Variants in ADRB1 observed in about 807,000 individuals in gnomAD.
ADRB1 encodes the protein beta-1 adrenergic receptor.
For synonymous variants in ADRB1, 365 were observed against 347.2 expected, an observed-to-expected ratio of 1.05 and a Z score of -0.57; for missense variants, 635 against 709.1, an observed-to-expected ratio of 0.90 and a Z score of 1.19.
At position 114,044,762 on chromosome 10, in the gene ADRB1, C is replaced by A; in HGVS notation, c.630C>A (p.Tyr210Ter). The A allele has an allele frequency of 6.2e-7, 1 of 1,613,176 alleles. No homozygotes were observed. Among genetic ancestry groups the A allele is most frequent in the Non-Finnish European group, 8.5e-7 (1 of 1,179,904 alleles). ...RAESDEARRC[Y>*]NDPKCCDFVT... ...AGAGCGACGAGGCGCGCCGCTGCTA[C>A]AACGACCCCAAGTGCTGCGACTTCG... The change falls in exon 1 of 1, where the codon TAC (tyrosine) becomes TAA (stop). Residue 210 changes from tyrosine to a stop codon, truncating the protein, a stop_gained. Coordinates refer to ENST00000369295, the MANE Select transcript of ADRB1 (RefSeq NM_000684.3). LOFTEE classifies it low-confidence loss of function (END_TRUNC). The surrounding 1 kb of genome is among the most constrained non-coding windows in gnomAD (Gnocchi z 7.8).
Position 114,045,699 on chromosome 10 carries a change from G to A in ADRB1, c.*133G>A. The A allele has an allele frequency of 2.2e-6, 2 of 920,658 alleles. No homozygotes were observed. Among genetic ancestry groups the A allele is most frequent in the South Asian group, 5.7e-5 (1 of 17,496 alleles). The allele number at this position is 920,658 out of a possible 1,614,324, so 57.0% of individuals were successfully genotyped here. A position where few individuals can be genotyped will look rare whatever the true frequency, so the allele number is the denominator to read the frequency against. The stretch of plus-strand genomic sequence containing the variant: ...TGAATCATCCGAGGCAAAGAGAAAA[G>A]CCACGGACCGTTGCACAAAAAGGAA... On this transcript the variant is annotated 3_prime_UTR_variant, in exon 1 of 1. Transcript: ENST00000369295.
rs929679913 is a variant in ADRB1, at chr10:114,045,571, C to CGGCGCGG, written c.*13_*19dup. The CGGCGCGG allele has an allele frequency of 3.9e-6, 5 of 1,283,528 alleles. No homozygotes were observed. The Admixed American group carries it at 2.1e-4, about 54-fold the overall frequency. 79.5% of individuals were successfully genotyped at this position (1,283,528 alleles called of 1,614,324 possible). A position where few individuals can be genotyped will look rare whatever the true frequency, so the allele number is the denominator to read the frequency against. ...GCCTCGGAATCCAAGGTGTAGGGCCCGGCGCGGGGCGCGGACTCCGGGCAC... is the reference window on the plus strand; with the variant it reads ...GCCTCGGAATCCAAGGTGTAGGGCCCGGCGCGGGGCGCGGGGCGCGGACTCCGGGCAC... On this transcript the variant is annotated 3_prime_UTR_variant, in exon 1 of 1. Transcript: ENST00000369295.
rs760403482 is a variant in ADRB1, at chr10:114,044,673, A to G, written c.541A>G (p.Thr181Ala). The G allele has an allele frequency of 2.0e-5, 33 of 1,612,394 alleles. No homozygotes were observed. Among genetic ancestry groups the G allele is most frequent in the Non-Finnish European group, 2.6e-5 (31 of 1,179,818 alleles). ...TRARARGLVCTVWAISALVSF... is the reference protein window; with the variant it reads ...TRARARGLVCAVWAISALVSF... ...CGCGCGGGCGCGGGGCCTCGTGTGCACCGTGTGGGCCATCTCGGCCCTGGT... is the reference window on the plus strand; with the variant it reads ...CGCGCGGGCGCGGGGCCTCGTGTGCGCCGTGTGGGCCATCTCGGCCCTGGT... Residue 181 changes from threonine (T) to alanine (A), a missense_variant, in exon 1 of 1, where the codon ACC (threonine) becomes GCC (alanine). Physicochemically the swap from Thr to Ala is moderately conservative, Grantham distance 58 (BLOSUM62 0). Transcript: ENST00000369295. The surrounding 1 kb of genome is among the most constrained non-coding windows in gnomAD (Gnocchi z 7.8).
At position 114,045,004 on chromosome 10, in the gene ADRB1, GCC is replaced by G; in HGVS notation, c.875_876del (p.Pro292ArgfsTer16). On this transcript the variant is annotated frameshift_variant, in exon 1 of 1. Coordinates refer to ENST00000369295, the MANE Select transcript of ADRB1 (RefSeq NM_000684.3). LOFTEE classifies it low-confidence loss of function (END_TRUNC). ...CCCGCGCCGCCGCCCGGACCCCCGCGCCCCGCCGCCGCCGCCGCCACCGCCCC... is the reference window on the plus strand; with the variant it reads ...CCCGCGCCGCCGCCCGGACCCCCGCGCCGCCGCCGCCGCCGCCACCGCCCC... 1.8e-6 allele frequency: 2 copies of G among 1,081,326 alleles called. No individual in the cohort carries two copies. The highest frequency in any genetic ancestry group is 2.2e-6 in the Non-Finnish European group (2 of 892,670). 67.0% of individuals were successfully genotyped at this position (1,081,326 alleles called of 1,614,324 possible). A position where few individuals can be genotyped will look rare whatever the true frequency, so the allele number is the denominator to read the frequency against.
Position 114,045,228 on chromosome 10 carries a change from G to C in ADRB1, c.1096G>C (p.Gly366Arg). Residue 366 changes from glycine (G) to arginine (R), a missense_variant, in exon 1 of 1, where the codon GGC (glycine) becomes CGC (arginine). By Grantham distance (125) the Gly-to-Arg change is moderately radical. Transcript: ENST00000369295. ...CCTCTTCGTCTTCTTCAACTGGCTG[G>C]GCTACGCCAACTCGGCCTTCAACCC... ...DRLFVFFNWL[G>R]YANSAFNPII... 1.3e-6 allele frequency: 2 copies of C among 1,598,450 alleles called. No individual in the cohort carries two copies. Among genetic ancestry groups the C allele is most frequent in the Non-Finnish European group, 1.7e-6 (2 of 1,172,216 alleles).
Position 114,045,517 on chromosome 10 carries a change from G to A in ADRB1, c.1385G>A (p.Ser462Asn). The A allele has an allele frequency of 7.7e-7, 1 of 1,304,832 alleles. No individual in the cohort carries two copies. The highest frequency in any genetic ancestry group is 9.8e-7 in the Non-Finnish European group (1 of 1,024,320). 80.8% of individuals were successfully genotyped at this position (1,304,832 alleles called of 1,614,324 possible). A position where few individuals can be genotyped will look rare whatever the true frequency, so the allele number is the denominator to read the frequency against. Reference protein sequence around the residue: ...NGGAAADSDSSLDEPCRPGFA... With the variant: ...NGGAAADSDSNLDEPCRPGFA... ...GGGGCGGCGGCGGACAGCGACTCGAGCCTGGACGAGCCGTGCCGCCCCGGC... is the reference window on the plus strand; with the variant it reads ...GGGGCGGCGGCGGACAGCGACTCGAACCTGGACGAGCCGTGCCGCCCCGGC... The change falls in exon 1 of 1, where the codon AGC becomes AAC. Residue 462 changes from serine (S) to asparagine (N), a missense_variant. Ser to Asn is a conservative substitution (Grantham distance 46). Transcript: ENST00000369295.
At position 114,043,940 on chromosome 10, in the gene ADRB1, G is replaced by A; in HGVS notation, c.-193G>A. Reference sequence around the variant, plus strand: ...AGCAGCAGCGGCGGCGGCGGCGGCGGCGGCAGCGGCAGCGACAGCGCTCGG... The same window carrying A: ...AGCAGCAGCGGCGGCGGCGGCGGCGACGGCAGCGGCAGCGACAGCGCTCGG... On this transcript the variant is annotated 5_prime_UTR_variant, in exon 1 of 1. Transcript: ENST00000369295. 1 of 279,974 alleles carries A rather than the reference G, an allele frequency of 3.6e-6. No individual in the cohort carries two copies. Among genetic ancestry groups the A allele is most frequent in the Non-Finnish European group, 6.0e-6 (1 of 166,088 alleles). The allele number at this position is 279,974 out of a possible 1,614,324, so 17.3% of individuals were successfully genotyped here.
In ADRB1 at chr10:114,044,928, C is replaced by T; in HGVS notation, c.796C>T (p.Leu266Phe). The T allele has an allele frequency of 6.4e-7, 1 of 1,569,504 alleles. No homozygotes were observed. Among genetic ancestry groups the T allele is most frequent in the Non-Finnish European group, 8.6e-7 (1 of 1,157,036 alleles). The change falls in exon 1 of 1, where the codon CTC (leucine) becomes TTC (phenylalanine). Residue 266 changes from leucine to phenylalanine, a missense_variant. Coordinates refer to ENST00000369295, the MANE Select transcript of ADRB1 (RefSeq NM_000684.3). The surrounding 1 kb of genome is among the most constrained non-coding windows in gnomAD (Gnocchi z 7.8). Reference sequence around the variant, plus strand: ...GATCGACAGCTGCGAGCGCCGTTTCCTCGGCGGCCCAGCGCGGCCGCCCTC... The same window carrying T: ...GATCGACAGCTGCGAGCGCCGTTTCTTCGGCGGCCCAGCGCGGCCGCCCTC... ...KKIDSCERRF[L>F]GGPARPPSPS...
In ADRB1 at chr10:114,046,073, C is replaced by A. The variant is rs1847562123; in HGVS notation, c.*507C>A. On this transcript the variant is annotated 3_prime_UTR_variant, in exon 1 of 1. Transcript: ENST00000369295. The stretch of plus-strand genomic sequence containing the variant: ...GTCAAGACATATTTCCTTTTGCTTT[C>A]CAGAGAAATTTCATTTTAATTTCTA... The A allele has an allele frequency of 6.0e-6, 1 of 166,906 alleles. No homozygotes were observed. 10.3% of individuals were successfully genotyped at this position (166,906 alleles called of 1,614,324 possible).
In ADRB1 at chr10:114,046,156, A is replaced by C. The variant is rs545055575; in HGVS notation, c.*590A>C. 1.2e-5 allele frequency: 2 copies of C among 167,224 alleles called. No individual in the cohort carries two copies. Among genetic ancestry groups the C allele is most frequent in the East Asian group, 3.8e-4 (2 of 5,196 alleles). 10.4% of individuals were successfully genotyped at this position (167,224 alleles called of 1,614,324 possible). ...GAAAGGATGGAGGCAAAATAAAAAA[A>C]AATCACGTTTCAAGAAATGTTAAGC... On this transcript the variant is annotated 3_prime_UTR_variant, in exon 1 of 1. Coordinates refer to ENST00000369295, the MANE Select transcript of ADRB1 (RefSeq NM_000684.3).
At position 114,044,362 on chromosome 10, in the gene ADRB1, T is replaced by A; in HGVS notation, c.230T>A (p.Val77Glu). The change falls in exon 1 of 1, where the codon GTG (valine) becomes GAG (glutamate). Residue 77 changes from valine to glutamate, a missense_variant. Coordinates refer to ENST00000369295, the MANE Select transcript of ADRB1 (RefSeq NM_000684.3). This position sits in a 1 kb window ranked among gnomAD's most constrained non-coding sequence, Gnocchi z 7.8. ...LIVLLIVAGN[V>E]LVIVAIAKTP... Reference sequence around the variant, plus strand: ...GTGCTGCTCATCGTGGCGGGCAATGTGCTGGTGATCGTGGCCATCGCCAAG... The same window carrying A: ...GTGCTGCTCATCGTGGCGGGCAATGAGCTGGTGATCGTGGCCATCGCCAAG... 6.2e-7 allele frequency: 1 copy of A among 1,608,276 alleles called. No homozygotes were observed. Among genetic ancestry groups the A allele is most frequent in the East Asian group, 2.2e-5 (1 of 44,822 alleles).
chr10:114,045,478 C>G lies in ADRB1; in HGVS notation c.1346C>G (p.Ala449Gly). 7.8e-7 allele frequency: 1 copy of G among 1,284,036 alleles called. No individual in the cohort carries two copies. Among genetic ancestry groups the G allele is most frequent in the Non-Finnish European group, 9.9e-7 (1 of 1,013,998 alleles). The allele number at this position is 1,284,036 out of a possible 1,614,324, so 79.5% of individuals were successfully genotyped here. A position where few individuals can be genotyped will look rare whatever the true frequency, so the allele number is the denominator to read the frequency against. Residue 449 changes from alanine (A) to glycine (G), a missense_variant, in exon 1 of 1, where the codon GCC becomes GGC. Ala to Gly is a moderately conservative substitution (Grantham distance 60). Transcript: ENST00000369295. The part of the protein sequence containing the change: ...TPPARLLEPW[A>G]GCNGGAAADS... ...CCCGCGCGCCTGCTGGAGCCCTGGG[C>G]CGGCTGCAACGGCGGGGCGGCGGCG...
chr10:114,045,763 C>CTTG lies in ADRB1; in HGVS notation c.*203_*205dup, dbSNP rs967770830. On this transcript the variant is annotated 3_prime_UTR_variant, in exon 1 of 1. Coordinates refer to ENST00000369295, the MANE Select transcript of ADRB1 (RefSeq NM_000684.3). ...ATGGGAGAGTGGCTTGCTGATGTTC[C>CTTG]TTGTTGTTTTTTTTTTCTTTTCTTT... The CTTG allele has an allele frequency of 7.9e-6, 3 of 382,064 alleles. No homozygotes were observed. Among genetic ancestry groups the CTTG allele is most frequent in the African/African-American group, 7.1e-5 (3 of 42,264 alleles). 23.7% of individuals were successfully genotyped at this position (382,064 alleles called of 1,614,324 possible). A position where few individuals can be genotyped will look rare whatever the true frequency, so the allele number is the denominator to read the frequency against.
Position 114,044,143 on chromosome 10 carries a change from G to A in ADRB1, c.11G>A (p.Gly4Glu). 8 of 1,314,702 alleles carry A rather than the reference G, an allele frequency of 6.1e-6. No individual in the cohort carries two copies. Among genetic ancestry groups the A allele is most frequent in the Non-Finnish European group, 7.7e-6 (8 of 1,040,950 alleles). The allele number at this position is 1,314,702 out of a possible 1,614,324, so 81.4% of individuals were successfully genotyped here. ...CCTCCGCAGCTCGGCATGGGCGCGGGGGTGCTCGTCCTGGGCGCCTCCGAG... is the reference window on the plus strand; with the variant it reads ...CCTCCGCAGCTCGGCATGGGCGCGGAGGTGCTCGTCCTGGGCGCCTCCGAG... MGA[G>E]VLVLGASEPG... Residue 4 changes from glycine to glutamate, a missense_variant, in exon 1 of 1, where the codon GGG (glycine) becomes GAG (glutamate). Physicochemically the swap from Gly to Glu is moderately conservative, Grantham distance 98. Transcript: ENST00000369295. The surrounding 1 kb of genome is among the most constrained non-coding windows in gnomAD (Gnocchi z 7.8).
rs759501745 is a variant in ADRB1, at chr10:114,044,287, C to G, written c.155C>G (p.Pro52Arg). The G allele has an allele frequency of 8.2e-6, 13 of 1,579,804 alleles. No individual in the cohort carries two copies. Among genetic ancestry groups the G allele is most frequent in the Admixed American group, 1.8e-5 (1 of 56,838 alleles). Residue 52 changes from proline (P) to arginine (R), a missense_variant, in exon 1 of 1, where the codon CCG becomes CGG. By Grantham distance (103) the Pro-to-Arg change is moderately radical. Transcript: ENST00000369295. This position sits in a 1 kb window ranked among gnomAD's most constrained non-coding sequence, Gnocchi z 7.8. ...LLPPASESPEPLSQQWTAGMG... is the reference protein window; with the variant it reads ...LLPPASESPERLSQQWTAGMG... Reference sequence around the variant, plus strand: ...CCTCCCGCCAGCGAAAGCCCCGAGCCGCTGTCTCAGCAGTGGACAGCGGGC... The same window carrying G: ...CCTCCCGCCAGCGAAAGCCCCGAGCGGCTGTCTCAGCAGTGGACAGCGGGC...
In ADRB1 at chr10:114,044,082, A is replaced by C; in HGVS notation, c.-51A>C. 2.5e-6 allele frequency: 3 copies of C among 1,222,214 alleles called. No individual in the cohort carries two copies. Among genetic ancestry groups the C allele is most frequent in the Non-Finnish European group, 3.1e-6 (3 of 983,530 alleles). 75.7% of individuals were successfully genotyped at this position (1,222,214 alleles called of 1,614,324 possible). ...GCCCGGGCTTCTGGGGTGTTCCCCA[A>C]CCACGGCCCAGCCCTGCCACACCCC... On this transcript the variant is annotated 5_prime_UTR_variant, in exon 1 of 1. Transcript: ENST00000369295. The surrounding 1 kb of genome is among the most constrained non-coding windows in gnomAD (Gnocchi z 7.8).
Position 114,045,599 on chromosome 10 carries a change from C to T in ADRB1, c.*33C>T. On this transcript the variant is annotated 3_prime_UTR_variant, in exon 1 of 1. Transcript: ENST00000369295. Reference sequence around the variant, plus strand: ...CGCGGGGCGCGGACTCCGGGCACGGCTTCCCAGGGGAACGAGGAGATCTGT... The same window carrying T: ...CGCGGGGCGCGGACTCCGGGCACGGTTTCCCAGGGGAACGAGGAGATCTGT... The T allele has an allele frequency of 7.9e-7, 1 of 1,270,902 alleles. No homozygotes were observed. Among genetic ancestry groups the T allele is most frequent in the Non-Finnish European group, 1.0e-6 (1 of 1,000,622 alleles). 78.7% of individuals were successfully genotyped at this position (1,270,902 alleles called of 1,614,324 possible).
chr10:114,044,660 G>A lies in ADRB1; in HGVS notation c.528G>A (p.Arg176=). The A allele has an allele frequency of 1.2e-6, 2 of 1,612,670 alleles. No homozygotes were observed. The highest frequency in any genetic ancestry group is 2.7e-5 in the African/African-American group (2 of 75,040). ...GCCTGCTGACGCGCGCGCGGGCGCG[G>A]GGCCTCGTGTGCACCGTGTGGGCCA... The part of the protein sequence containing the change: ...YQSLLTRARA[R]GLVCTVWAIS... The change falls in exon 1 of 1, where the codon CGG becomes CGA. Residue 176 remains arginine (R), a synonymous_variant. Transcript: ENST00000369295. This position sits in a 1 kb window ranked among gnomAD's most constrained non-coding sequence, Gnocchi z 7.8.
rs766403092 is a variant in ADRB1 at position 114,045,127 on chromosome 10, T to A, written c.995T>A (p.Val332Asp). The A allele has an allele frequency of 1.3e-6, 2 of 1,583,174 alleles. No individual in the cohort carries two copies. The change falls in exon 1 of 1, where the codon GTC (valine) becomes GAC (aspartate). Residue 332 changes from valine to aspartate, a missense_variant. Coordinates refer to ENST00000369295, the MANE Select transcript of ADRB1 (RefSeq NM_000684.3). ...ALKTLGIIMG[V>D]FTLCWLPFFL... ...AAGACGCTGGGCATCATCATGGGCG[T>A]CTTCACGCTCTGCTGGCTGCCCTTC... is the stretch of plus-strand genomic sequence containing the variant.
Sources: gnomAD v4.1 joint callset for allele counts on GRCh38, gnomAD v4.1.1 for gene constraint, Gnocchi (gnomAD v3.1) non-coding constraint, MANE v1.5 for transcripts, NCBI Gene and HGNC (gene_info 2026-07-23, HGNC 2026-07-21) for gene names.